The following AXIN1 variants were observed in gnomAD, a reference collection of about 807,000 sequenced individuals.
AXIN1 encodes the protein axin-1.
A neutral mutation model predicts 76.4 loss-of-function variants in AXIN1; 30 were observed. That is an observed-to-expected ratio of 0.39 (90% CI 0.29 to 0.53). The LOEUF (loss-of-function observed/expected upper bound fraction) is 0.53, where lower values mean the gene tolerates loss of function less well. Ranked by LOEUF, AXIN1 falls within the 20% of genes least tolerant of loss-of-function variation. AXIN1 has a pLI of 0.66. For missense variants in AXIN1, 1,140 were observed against 1,198.8 expected (o/e 0.95, Z 0.72); for synonymous variants, 545 against 501.4 (o/e 1.09, Z -1.16).
intron 2 of AXIN1, among the ~76,000 whole-genome samples, chr16:326,214 C>G (rs1006726341): frequency 1.3e-5 from 2 of 151,014 alleles, no homozygotes; most frequent in Non-Finnish European, 3.0e-5. Flanking sequence ...ATTAGCTGGG[C>G]ATGGCGACAG....
In AXIN1 at chr16:306,988, TG is replaced by T. The variant is rs568653999; in HGVS notation, c.1117-2548del. Among the ~76,000 whole-genome samples the T allele has an allele frequency of 1.9e-3, 296 of 152,238 alleles. 2 individuals are homozygous for T. The highest frequency in any genetic ancestry group is 6.6e-3 in the African/African-American group (273 of 41,546). On this transcript the variant is annotated intron_variant, in intron 4 of 10. Coordinates refer to ENST00000262320, the MANE Select transcript of AXIN1 (RefSeq NM_003502.4). The stretch of plus-strand genomic sequence containing the variant: ...CCCGCTGCACCCGGGGCCTGGAGGC[TG>T]GGTGGCTGGGGGGCCATGCTGGCTT...
rs1324067997 is a variant in AXIN1 at position 309,996 on chromosome 16, G to A, written c.1093C>T (p.Arg365Trp). 3.7e-6 allele frequency: 6 copies of A among 1,613,340 alleles called. No homozygotes were observed. The highest frequency in any genetic ancestry group is 1.3e-5 in the African/African-American group (1 of 74,936). The change falls in exon 4 of 11, where the codon CGG becomes TGG. Residue 365 changes from arginine to tryptophan, a missense_variant. Coordinates refer to ENST00000262320, the MANE Select transcript of AXIN1 (RefSeq NM_003502.4). Reference protein sequence around the residue: ...EMQESVQVNGRVPLPHIPRTY... With the variant: ...EMQESVQVNGWVPLPHIPRTY... The stretch of plus-strand genomic sequence containing the variant: ...ACGGGAATGTGAGGTAGGGGCACCC[G>A]CCCATTGACCTGCACGCTCTCCTGC...
chr16:288,084 A>C lies in AXIN1; in HGVS notation c.*38T>G, dbSNP rs2052435704. 3 of 1,612,690 alleles carry C rather than the reference A, an allele frequency of 1.9e-6. No homozygotes were observed. Among genetic ancestry groups the C allele is most frequent in the Non-Finnish European group, 2.5e-6 (3 of 1,179,966 alleles). Reference sequence around the variant, plus strand: ...CTGGCCGTGACACCCGTGCCCGCCAAGGGCCTCGCCTGGCACAGCGGCCAG... The same window carrying C: ...CTGGCCGTGACACCCGTGCCCGCCACGGGCCTCGCCTGGCACAGCGGCCAG... On this transcript the variant is annotated 3_prime_UTR_variant, in exon 11 of 11. Transcript: ENST00000262320.
intron 2 of AXIN1, 79 bp from the exon 3 acceptor site, chr16:314,762 G>C (rs776840028): frequency 1.4e-4 from 216 of 1,581,188 alleles, no homozygotes; most frequent in Non-Finnish European, 1.8e-4. Flanking sequence ...CATGTTATCT[G>C]AATATCTCAA....
At chr16:301,272 AAAAAC>A (rs1231209351) in intron 5 of AXIN1, among the ~76,000 whole-genome samples, 1 of 151,020 alleles carries the variant, frequency 6.6e-6, no homozygotes, top group Admixed American at 6.6e-5. Context: ...CTCTGCCTCA[AAAAAC>A]AAAACAAAAC....
intron 4 of AXIN1, 117 bp downstream of exon 4, chr16:309,856 C>T: frequency 3.1e-6 from 3 of 982,024 alleles, no homozygotes; most frequent in Non-Finnish European, 4.8e-6. Context: ...ACGCTTACGC[C>T]TAGAGGTAAG....
At chr16:295,897 G>A (rs1368338973) in intron 7 of AXIN1, among the ~76,000 whole-genome samples, 1 of 152,128 alleles carries the variant, frequency 6.6e-6, no homozygotes, top group Admixed American at 6.5e-5. Context: ...AACCCAGGAG[G>A]TGGAGGTTGC....
intron 2 of AXIN1, among the ~76,000 whole-genome samples, chr16:323,625 C>CA (rs11452905): frequency 0.087 from 13,181 of 151,410 alleles, 619 homozygotes; most frequent in Non-Finnish European, 0.1. Context: ...ACCAAAAATA[C>CA]AAAAAATTAG....
intron 2 of AXIN1, among the ~76,000 whole-genome samples, chr16:317,784 G>A (rs1190459565): frequency 6.6e-6 from 1 of 152,208 alleles, no homozygotes; most frequent in Non-Finnish European, 1.5e-5. Flanking sequence ...TAAAGCCACA[G>A]CTGCTCAGCA....
chr16:342,137 G>A (rs12719803), intron 2 of AXIN1, among the ~76,000 whole-genome samples: 28,219 of 151,446 alleles, frequency 0.19, 2,404 homozygotes, highest in South Asian at 0.27. Flanking sequence ...TTTCCAGTAA[G>A]TCTTGCTGCT....
chr16:341,355 GAGCAGCCGGCC>G (rs2053915845), intron 2 of AXIN1, among the ~76,000 whole-genome samples: 1 of 152,246 alleles, frequency 6.6e-6, no homozygotes, highest in Non-Finnish European at 1.5e-5. Flanking sequence ...CCGGCACTCA[GAGCAGCCGGCC>G]AGCCCTGCCG....
In AXIN1 at chr16:299,057, G is replaced by A. The variant is rs942601714; in HGVS notation, c.1255-806C>T. On this transcript the variant is annotated intron_variant, in intron 5 of 10. Transcript: ENST00000262320. ...GTTGGGATGACAGGCATGAGCCGCC[G>A]CGCCCGGCCTCCCATTATATTTTAA... is the stretch of plus-strand genomic sequence containing the variant. The A allele has an allele frequency of 1.5e-5, 15 of 985,002 alleles. No homozygotes were observed. The African/African-American group carries it at 1.6e-4, about 10-fold the overall frequency. The allele number at this position is 985,002 out of a possible 1,614,324, so 61.0% of individuals were successfully genotyped here. A position where few individuals can be genotyped will look rare whatever the true frequency, so the allele number is the denominator to read the frequency against.
At chr16:309,259 G>A (rs927190593) in intron 4 of AXIN1, among the ~76,000 whole-genome samples, 2 of 151,688 alleles carry the variant, frequency 1.3e-5, no homozygotes, top group East Asian at 3.9e-4. Flanking sequence ...GAACCCGGGA[G>A]GCAGAGCTTG....
chr16:294,521 G>A (rs923335616), intron 7 of AXIN1, among the ~76,000 whole-genome samples: 5 of 143,324 alleles, frequency 3.5e-5, no homozygotes, highest in African/African-American at 5.2e-5. Flanking sequence ...CTGGGAGGCC[G>A]AGGCGGGTGG....
chr16:299,906 C>T (rs184141539), intron 5 of AXIN1, among the ~76,000 whole-genome samples: 5 of 152,180 alleles, frequency 3.3e-5, no homozygotes, highest in East Asian at 1.9e-4. Context: ...CTGCCCACCT[C>T]GGCCTCCCAA....
chr16:315,801 C>A (rs2141598303), intron 2 of AXIN1, among the ~76,000 whole-genome samples: 1 of 147,844 alleles, frequency 6.8e-6, no homozygotes, highest in East Asian at 2.0e-4. Context: ...GCACTCCAGC[C>A]TGGGTGACAG....
chr16:296,257 C>T (rs1015781672), intron 7 of AXIN1, among the ~76,000 whole-genome samples: 1 of 152,276 alleles, frequency 6.6e-6, no homozygotes, highest in Non-Finnish European at 1.5e-5. Flanking sequence ...CCCAGGCGCT[C>T]AGCTGCCTCA....
intron 5 of AXIN1, among the ~76,000 whole-genome samples, chr16:301,751 C>T (rs1008601418): frequency 2.0e-5 from 3 of 152,176 alleles, no homozygotes; most frequent in South Asian, 2.1e-4. Context: ...GACAGCAAAG[C>T]GTTCCACAGA....
rs576433072 is a variant in AXIN1, at chr16:342,343, TTCATTCTTGAAG to T, written c.878+3793_878+3804del. Among the ~76,000 whole-genome samples the T allele has an allele frequency of 1.8e-3, 271 of 152,246 alleles. 1 individual carries two copies. Among genetic ancestry groups the T allele is most frequent in the East Asian group, 9.6e-3 (50 of 5,184 alleles). ...AACACTCACGGCAAGGGTCCGCGGC[TTCATTCTTGAAG>T]TCAGTGAGACCAAGAACCCACCAAT... is the stretch of plus-strand genomic sequence containing the variant. On this transcript the variant is annotated intron_variant, in intron 2 of 10. Coordinates refer to ENST00000262320, the MANE Select transcript of AXIN1 (RefSeq NM_003502.4).
Sources: allele counts gnomAD v4.1 joint callset (sites outside exome capture counted in the v4.1 genomes callset), GRCh38; gene constraint gnomAD v4.1.1; transcripts MANE v1.5; gene names NCBI Gene and HGNC (gene_info 2026-07-23, HGNC 2026-07-21).